The following HTR7 variants were observed in gnomAD, a reference collection of about 807,000 sequenced individuals.
HTR7 encodes the protein 5-hydroxytryptamine receptor 7, also known as 5-HT-7.
In HTR7, 16 loss-of-function variants were observed where a neutral mutation model predicts 34.0. The observed-to-expected ratio is 0.47, with a 90% CI of 0.32 to 0.71. The LOEUF (loss-of-function observed/expected upper bound fraction) is 0.71, where lower values mean the gene tolerates loss of function less well. Ranked by LOEUF, HTR7 falls within the 30% of genes least tolerant of loss-of-function variation. HTR7 has a pLI of 0.04. For missense variants in HTR7, 504 were observed against 625.5 expected (o/e 0.81, Z 2.07); for synonymous variants, 265 against 260.2 (o/e 1.02, Z -0.18).
At chr10:90,767,571 C>T (rs141673811) in intron 1 of HTR7, among the ~76,000 whole-genome samples, 1 of 152,236 alleles carries the variant, frequency 6.6e-6, no homozygotes, top group East Asian at 1.9e-4. Context: ...TTTTCTCCTT[C>T]TCTTTATTCT....
intron 1 of HTR7, among the ~76,000 whole-genome samples, chr10:90,798,269 T>G (rs1052485954): frequency 6.6e-6 from 1 of 152,188 alleles, no homozygotes; most frequent in Non-Finnish European, 1.5e-5. Flanking sequence ...CAGGACTGGG[T>G]ACAATCCTAC....
chr10:90,741,354 A>G lies in HTR7; in HGVS notation c.*1128T>C, dbSNP rs1308027135. 1 of 152,512 alleles carries G rather than the reference A, an allele frequency of 6.6e-6. No individual in the cohort carries two copies. The highest frequency in any genetic ancestry group is 1.5e-5 in the Non-Finnish European group (1 of 68,002). The allele number at this position is 152,512 out of a possible 1,614,324, so 9.4% of individuals were successfully genotyped here. A position where few individuals can be genotyped will look rare whatever the true frequency, so the allele number is the denominator to read the frequency against. On this transcript the variant is annotated 3_prime_UTR_variant, in exon 4 of 4. Transcript: ENST00000336152. ...TCCTCACCTGCCTTTCATGTCTACCATTTTTTGGTGGGTAGGGGTGGGAAT... is the reference window on the plus strand; with the variant it reads ...TCCTCACCTGCCTTTCATGTCTACCGTTTTTTGGTGGGTAGGGGTGGGAAT...
intron 1 of HTR7, among the ~76,000 whole-genome samples, chr10:90,774,154 C>T (rs1845165782): frequency 6.6e-6 from 1 of 151,966 alleles, no homozygotes; most frequent in African/African-American, 2.4e-5. Flanking sequence ...CCATCTTGAT[C>T]CAGGAGCTCA....
chr10:90,852,295 T>G (rs1378816795), intron 1 of HTR7, among the ~76,000 whole-genome samples: 1 of 151,684 alleles, frequency 6.6e-6, no homozygotes, highest in African/African-American at 2.4e-5. Flanking sequence ...AATGTAGTAA[T>G]GCAGAACAAA....
At chr10:90,814,058 G>A (rs61857734) in intron 1 of HTR7, among the ~76,000 whole-genome samples, 7,569 of 152,130 alleles carry the variant, frequency 0.05, 304 homozygotes, top group Admixed American at 0.13. Context: ...TTAAACCTCC[G>A]CTCCTAAACC....
rs763458336 is a variant in HTR7, at chr10:90,857,339, C to T, written c.333G>A (p.Lys111=). The change falls in exon 1 of 4, where the codon AAG becomes AAA. Residue 111 remains lysine, a synonymous_variant. Transcript: ENST00000336152. The surrounding 1 kb of genome is among the most constrained non-coding windows in gnomAD (Gnocchi z 6.5). ...LVVISVCFVK[K]LRQPSNYLIV... ...TCAGGTAGTTGGAGGGCTGGCGGAGCTTCTTGACGAAGCACACGGAGATCA... is the reference window on the plus strand; with the variant it reads ...TCAGGTAGTTGGAGGGCTGGCGGAGTTTCTTGACGAAGCACACGGAGATCA... 4.3e-6 allele frequency: 7 copies of T among 1,613,942 alleles called. No homozygotes were observed. In the African/African-American group the frequency reaches 8.0e-5, roughly 18 times the overall value.
At chr10:90,762,449 A>T (rs1034789659) in intron 1 of HTR7, among the ~76,000 whole-genome samples, 1 of 152,082 alleles carries the variant, frequency 6.6e-6, no homozygotes, top group Non-Finnish European at 1.5e-5. Context: ...AAAAATGTCT[A>T]TTCAGGTCCT....
chr10:90,746,257 G>A (rs1189991489), intron 2 of HTR7, among the ~76,000 whole-genome samples: 1 of 152,150 alleles, frequency 6.6e-6, no homozygotes, highest in Non-Finnish European at 1.5e-5. Flanking sequence ...GCAAACGCAT[G>A]TTATTATTTT....
Position 90,857,260 on chromosome 10 carries a change from C to A in HTR7, c.412G>T (p.Val138Phe). The A allele has an allele frequency of 6.2e-7, 1 of 1,614,090 alleles. No homozygotes were observed. Among genetic ancestry groups the A allele is most frequent in the Non-Finnish European group, 8.5e-7 (1 of 1,180,036 alleles). ...CCCCCGATGAGGTCGGTGACGCTGACGAAGGGCATGACCGCCACAGCCACC... is the reference window on the plus strand; with the variant it reads ...CCCCCGATGAGGTCGGTGACGCTGAAGAAGGGCATGACCGCCACAGCCACC... ...LSVAVAVMPF[V>F]SVTDLIGGKW... The change falls in exon 1 of 4, where the codon GTC (valine) becomes TTC (phenylalanine). Residue 138 changes from valine to phenylalanine, a missense_variant. Physicochemically the swap from Val to Phe is conservative, Grantham distance 50 (BLOSUM62 -1). Around this residue, in one of 4 missense-constraint regions of HTR7, gnomAD observed 154 missense variants for 248.8 expected, o/e 0.62. Transcript: ENST00000336152. The surrounding 1 kb of genome is among the most constrained non-coding windows in gnomAD (Gnocchi z 6.5).
intron 1 of HTR7, among the ~76,000 whole-genome samples, chr10:90,845,136 G>A (rs533327578): frequency 4.6e-5 from 7 of 152,294 alleles, no homozygotes; most frequent in Admixed American, 1.3e-4. Flanking sequence ...TTTCAAAAAC[G>A]ATACTCAAAT....
intron 1 of HTR7, among the ~76,000 whole-genome samples, chr10:90,799,490 C>G (rs1293131919): frequency 1.3e-5 from 2 of 152,084 alleles, no homozygotes; most frequent in African/African-American, 4.8e-5. Flanking sequence ...GATCAAAACC[C>G]CTAACAGCCC....
chr10:90,746,252 C>T (rs555512707), intron 2 of HTR7, among the ~76,000 whole-genome samples: 1 of 152,108 alleles, frequency 6.6e-6, no homozygotes, highest in Non-Finnish European at 1.5e-5. Flanking sequence ...CCTCAGCAAA[C>T]GCATGTTATT....
intron 1 of HTR7, among the ~76,000 whole-genome samples, chr10:90,774,670 G>C (rs947414998): frequency 2.6e-5 from 4 of 152,202 alleles, no homozygotes; most frequent in Non-Finnish European, 5.9e-5. Flanking sequence ...TGAGGGACTT[G>C]GTTTCCTTCC....
At chr10:90,798,767 C>T (rs1272707395) in intron 1 of HTR7, among the ~76,000 whole-genome samples, 1 of 152,184 alleles carries the variant, frequency 6.6e-6, no homozygotes, top group Admixed American at 6.5e-5. Flanking sequence ...CCAACTCCAT[C>T]CTGCTTCTAA....
intron 3 of HTR7, 42 bp downstream of exon 3, chr10:90,743,551 C>T: frequency 1.4e-6 from 2 of 1,463,736 alleles, no homozygotes; most frequent in Non-Finnish European, 9.6e-7. Flanking sequence ...TTCCTCCAGA[C>T]CACAGCACTA....
intron 1 of HTR7, among the ~76,000 whole-genome samples, chr10:90,756,845 AAAAAG>A (rs1446028209): frequency 4.6e-5 from 7 of 152,280 alleles, no homozygotes; most frequent in Middle Eastern, 3.4e-3. Context: ...TGTCATAAAA[AAAAAG>A]AAAAGAAAAG....
intron 1 of HTR7, among the ~76,000 whole-genome samples, chr10:90,782,635 T>C (rs1845322175): frequency 6.6e-6 from 1 of 152,078 alleles, no homozygotes; most frequent in African/African-American, 2.4e-5. Flanking sequence ...AATAAATAAA[T>C]AATTGTGCTC....
At chr10:90,817,331 A>T (rs1334446222) in intron 1 of HTR7, among the ~76,000 whole-genome samples, 1 of 152,174 alleles carries the variant, frequency 6.6e-6, no homozygotes, top group Non-Finnish European at 1.5e-5. Context: ...AGCTAAAAAG[A>T]AACTAGTCCT....
chr10:90,802,915 T>G (rs1406747516), intron 1 of HTR7, among the ~76,000 whole-genome samples: 1 of 151,794 alleles, frequency 6.6e-6, no homozygotes, highest in African/African-American at 2.4e-5. Context: ...TGGGCCTTTG[T>G]GTGTAGATGA....
Sources: gnomAD v4.1 joint callset for allele counts (sites outside exome capture counted in the v4.1 genomes callset) on GRCh38, gnomAD v4.1.1 for gene constraint, gnomAD v4.1.1 regional missense constraint, Gnocchi (gnomAD v3.1) non-coding constraint, MANE v1.5 for transcripts, NCBI Gene and HGNC (gene_info 2026-07-23, HGNC 2026-07-21) for gene names.